The following GABRB2 variants were observed in gnomAD, a reference collection of about 807,000 sequenced individuals.
GABRB2 encodes gamma-aminobutyric acid type A receptor subunit beta2, also known as gamma-aminobutyric acid receptor subunit beta-2.
In GABRB2, 16 loss-of-function variants were observed where a neutral mutation model predicts 54.7. The ratio of observed to expected loss-of-function variants is 0.29; its 90% CI spans 0.20 to 0.44. GABRB2 has a LOEUF of 0.44. GABRB2 is among the 20% of genes least tolerant of loss of function. The pLI is 1.00. For missense variants in GABRB2, 355 were observed against 644.0 expected, an observed-to-expected ratio of 0.55 and a Z score of 4.86; for synonymous variants, 244 against 233.8, an observed-to-expected ratio of 1.04 and a Z score of -0.40.
intron 3 of GABRB2, among the ~76,000 whole-genome samples, chr5:161,530,391 A>AG (rs1258404345): frequency 4.6e-5 from 7 of 152,152 alleles, no homozygotes; most frequent in Non-Finnish European, 8.8e-5. Context: ...AACAAGATAA[A>AG]GCCATTTTAA....
In GABRB2 at chr5:161,288,773, T is replaced by C. The variant is rs945905242; in HGVS notation, c.*5308A>G. The C allele has an allele frequency of 6.6e-6, 1 of 152,194 alleles. No individual in the cohort carries two copies. The highest frequency in any genetic ancestry group is 2.4e-5 in the African/African-American group (1 of 41,404). The allele number at this position is 152,194 out of a possible 1,614,324, so 9.4% of individuals were successfully genotyped here. A position where few individuals can be genotyped will look rare whatever the true frequency, so the allele number is the denominator to read the frequency against. On this transcript the variant is annotated 3_prime_UTR_variant, in exon 10 of 10. Transcript: ENST00000393959. ...TTGTGAAGAAACTAGAATATCACTT[T>C]TTTTTTTTATAAAAGGACAATTTAG...
At chr5:161,501,643 T>C (rs1759448278) in intron 3 of GABRB2, among the ~76,000 whole-genome samples, 1 of 152,136 alleles carries the variant, frequency 6.6e-6, no homozygotes. Flanking sequence ...TTTGGCAAAA[T>C]TTGTTTGACA....
intron 9 of GABRB2, among the ~76,000 whole-genome samples, chr5:161,311,868 A>G (rs1757878168): frequency 1.3e-5 from 2 of 152,220 alleles, no homozygotes; most frequent in South Asian, 4.1e-4. Flanking sequence ...AATATCTTAG[A>G]TCCCTTAAAG....
chr5:161,499,258 T>C (rs916064669), intron 3 of GABRB2, among the ~76,000 whole-genome samples: 1 of 152,174 alleles, frequency 6.6e-6, no homozygotes, highest in East Asian at 1.9e-4. Flanking sequence ...TATTTCTCTC[T>C]CTTATTTGAG....
intron 9 of GABRB2, 74 bp from the exon 10 acceptor site, chr5:161,294,502 G>T: frequency 7.8e-7 from 1 of 1,287,770 alleles, no homozygotes; most frequent in South Asian, 1.3e-5. Context: ...AAGGCACTAT[G>T]ATCGGCACTT....
At chr5:161,345,350 T>C (rs761121586) in intron 5 of GABRB2, among the ~76,000 whole-genome samples, 12 of 152,096 alleles carry the variant, frequency 7.9e-5, no homozygotes, top group Non-Finnish European at 1.0e-4. Context: ...AGAAAACTCC[T>C]TGATGGATTT....
chr5:161,479,888 GA>G, intron 3 of GABRB2, among the ~76,000 whole-genome samples: 1 of 152,076 alleles, frequency 6.6e-6, no homozygotes, highest in Middle Eastern at 3.4e-3. Flanking sequence ...GCACCCAGCT[GA>G]AACTTCTTTA....
chr5:161,529,699 C>G (rs141144123), intron 3 of GABRB2, among the ~76,000 whole-genome samples: 8 of 151,954 alleles, frequency 5.3e-5, no homozygotes, highest in African/African-American at 1.9e-4. Flanking sequence ...CAAATATATC[C>G]CAATTGTATG....
chr5:161,515,869 C>CA (rs1343036627), intron 3 of GABRB2, among the ~76,000 whole-genome samples: 3 of 151,910 alleles, frequency 2.0e-5, no homozygotes, highest in South Asian at 2.1e-4. Context: ...ATAGGTAGAA[C>CA]AAAAAAACAA....
chr5:161,411,142 C>T, intron 4 of GABRB2, 85 bp from the exon 5 acceptor site: 1 of 995,138 alleles, frequency 1.0e-6, no homozygotes, highest in East Asian at 2.4e-5. Context: ...AAAGAAGAGA[C>T]TGTGATTTAC....
intron 5 of GABRB2, among the ~76,000 whole-genome samples, chr5:161,381,511 T>C (rs766756789): frequency 2.7e-4 from 41 of 152,138 alleles, no homozygotes; most frequent in Non-Finnish European, 4.0e-4. Flanking sequence ...AGATAATTCA[T>C]TTATTACATG....
Position 161,518,017 on chromosome 5 carries a change from T to A in GABRB2, c.237+27210A>T, listed in dbSNP as rs1400401127. 2.6e-5 allele frequency among the ~76,000 whole-genome samples: 4 copies of A among 152,154 alleles called. No individual in the cohort carries two copies. The East Asian group carries it at 7.8e-4, about 30-fold the overall frequency. ...TAGAGTCGGGGTTTCCCCGTGTTAC[T>A]CAGGATGCCCTCGATCTCCTGACCT... On this transcript the variant is annotated intron_variant, in intron 3 of 9. Coordinates refer to ENST00000393959, the MANE Select transcript of GABRB2 (RefSeq NM_001371727.1).
chr5:161,475,040 G>A (rs1315711486), intron 3 of GABRB2, among the ~76,000 whole-genome samples: 1 of 151,896 alleles, frequency 6.6e-6, no homozygotes, highest in Admixed American at 6.6e-5. Context: ...TGGAGAGAGG[G>A]AGAGGGTGCA....
At chr5:161,447,244 C>A (rs995172790) in intron 4 of GABRB2, among the ~76,000 whole-genome samples, 4 of 152,096 alleles carry the variant, frequency 2.6e-5, no homozygotes, top group Non-Finnish European at 4.4e-5. Flanking sequence ...CAGTCAGGTC[C>A]ACAACCCATA....
chr5:161,527,960 C>G (rs899474941), intron 3 of GABRB2, among the ~76,000 whole-genome samples: 1 of 151,546 alleles, frequency 6.6e-6, no homozygotes, highest in East Asian at 1.9e-4. Flanking sequence ...TAAGAATTTA[C>G]CAAAGAAAAT....
At chr5:161,522,187 G>A (rs1440293459) in intron 3 of GABRB2, among the ~76,000 whole-genome samples, 2 of 151,708 alleles carry the variant, frequency 1.3e-5, no homozygotes, top group Non-Finnish European at 3.0e-5. Flanking sequence ...CATTTAATAG[G>A]CCCCTAGGTG....
intron 5 of GABRB2, among the ~76,000 whole-genome samples, chr5:161,374,793 C>CACA (rs1755238928): frequency 2.0e-5 from 3 of 152,260 alleles, no homozygotes; most frequent in African/African-American, 7.2e-5. Context: ...GTACACATAA[C>CACA]TATACACCAC....
intron 3 of GABRB2, among the ~76,000 whole-genome samples, chr5:161,527,323 T>C (rs1394990186): frequency 1.3e-5 from 2 of 151,516 alleles, no homozygotes; most frequent in Admixed American, 6.6e-5. Flanking sequence ...GTATTTCTGC[T>C]TCAGAACTTA....
At chr5:161,342,933 G>T (rs192905971) in intron 5 of GABRB2, among the ~76,000 whole-genome samples, 43 of 152,186 alleles carry the variant, frequency 2.8e-4, no homozygotes, top group African/African-American at 1.0e-3. Flanking sequence ...TTCTTCTCAT[G>T]ACTAGCTTGA....
Sources: allele counts gnomAD v4.1 joint callset (sites outside exome capture counted in the v4.1 genomes callset), GRCh38; gene constraint gnomAD v4.1.1; transcripts MANE v1.5; gene names NCBI Gene and HGNC (gene_info 2026-07-23, HGNC 2026-07-21).